Variants in SNTB2 observed in about 807,000 individuals in gnomAD.
SNTB2 encodes syntrophin beta 2.
A neutral mutation model predicts 46.2 loss-of-function variants in SNTB2; 34 were observed. The ratio of observed to expected loss-of-function variants is 0.74; its 90% CI spans 0.56 to 0.98. The LOEUF (loss-of-function observed/expected upper bound fraction) is 0.98, where lower values mean the gene tolerates loss of function less well. SNTB2 is among the 50% of genes least tolerant of loss of function. The probability of loss-of-function intolerance (pLI) is 0.00; values close to 1 mark genes in which losing one functional copy is unlikely to be tolerated. For missense variants in SNTB2, 603 were observed against 731.4 expected, an observed-to-expected ratio of 0.82 and a Z score of 2.02; for synonymous variants, 290 against 312.6, an observed-to-expected ratio of 0.93 and a Z score of 0.76.
At chr16:69,278,992 A>G (rs1368826248) in intron 4 of SNTB2, among the ~76,000 whole-genome samples, 1 of 152,018 alleles carries the variant, frequency 6.6e-6, no homozygotes, top group East Asian at 1.9e-4. Context: ...AACTCATAAC[A>G]TGGATGACAG....
At chr16:69,280,416 C>T (rs1314639084) in intron 4 of SNTB2, among the ~76,000 whole-genome samples, 1 of 151,888 alleles carries the variant, frequency 6.6e-6, no homozygotes, top group Admixed American at 6.5e-5. Context: ...CAGAGGGGCT[C>T]CTCACTTCCC....
intron 1 of SNTB2, among the ~76,000 whole-genome samples, chr16:69,214,172 CCA>C (rs1182829046): frequency 6.6e-6 from 1 of 150,752 alleles, no homozygotes; most frequent in Admixed American, 6.6e-5. Flanking sequence ...GCTCTGTTGC[CCA>C]GGCTGGAGTG....
At chr16:69,300,727 C>G (rs992848409) in intron 6 of SNTB2, 105 bp from the exon 7 acceptor site, 7 of 783,340 alleles carry the variant, frequency 8.9e-6, no homozygotes, top group Non-Finnish European at 1.6e-5. Flanking sequence ...GTTTCCATAG[C>G]TCTGGCACAT....
At chr16:69,268,900 T>C (rs1964911698) in intron 3 of SNTB2, among the ~76,000 whole-genome samples, 1 of 151,418 alleles carries the variant, frequency 6.6e-6, no homozygotes, top group Non-Finnish European at 1.5e-5. Flanking sequence ...TCTAGTGCAG[T>C]GGCTCACGCC....
intron 1 of SNTB2, among the ~76,000 whole-genome samples, chr16:69,215,639 C>CT (rs1196528784): frequency 3.9e-5 from 6 of 152,082 alleles, no homozygotes; most frequent in Non-Finnish European, 7.4e-5. Context: ...GAATTTTCAG[C>CT]TTTTTTCTGG....
chr16:69,253,121 G>A (rs955977443), intron 2 of SNTB2, among the ~76,000 whole-genome samples: 69 of 150,734 alleles, frequency 4.6e-4, no homozygotes, highest in East Asian at 1.4e-3. Flanking sequence ...GGATGGTCTC[G>A]ATCTCCTGAC....
At chr16:69,192,395 GAGT>G (rs1430443546) in intron 1 of SNTB2, among the ~76,000 whole-genome samples, 1 of 152,200 alleles carries the variant, frequency 6.6e-6, no homozygotes. Flanking sequence ...CTTCTGCAGT[GAGT>G]TTATCAGTGG....
In SNTB2 at chr16:69,187,217, G is replaced by T. The variant is rs748420775; in HGVS notation, c.51G>T (p.Ala17=). 1.4e-6 allele frequency: 2 copies of T among 1,440,672 alleles called. No homozygotes were observed. The highest frequency in any genetic ancestry group is 5.6e-5 in the East Asian group (2 of 35,578). 89.2% of individuals were successfully genotyped at this position (1,440,672 alleles called of 1,614,324 possible). A position where few individuals can be genotyped will look rare whatever the true frequency, so the allele number is the denominator to read the frequency against. ...CGGCTGGAGCGGGGCCGGCCATGGCGGTGTGGACGCGGGCCACCAAAGCGG... is the reference window on the plus strand; with the variant it reads ...CGGCTGGAGCGGGGCCGGCCATGGCTGTGTGGACGCGGGCCACCAAAGCGG... The part of the protein sequence containing the change: ...TAAAGAGPAM[A]VWTRATKAGL... Residue 17 remains alanine (A), a synonymous_variant, in exon 1 of 7, where the codon GCG becomes GCT. Transcript: ENST00000336278.
chr16:69,225,775 T>C (rs1964452915), intron 1 of SNTB2, among the ~76,000 whole-genome samples: 1 of 152,176 alleles, frequency 6.6e-6, no homozygotes, highest in South Asian at 2.1e-4. Context: ...TTGTAGCTCT[T>C]TTTGGTTTTG....
intron 1 of SNTB2, among the ~76,000 whole-genome samples, chr16:69,189,901 A>G (rs1240343305): frequency 6.6e-6 from 1 of 152,180 alleles, no homozygotes; most frequent in Admixed American, 6.5e-5. Flanking sequence ...GCATAATAAC[A>G]TGTTTATTGA....
chr16:69,283,974 A>C (rs975397297), intron 4 of SNTB2, 74 bp from the exon 5 acceptor site: 10 of 1,370,386 alleles, frequency 7.3e-6, no homozygotes, highest in Non-Finnish European at 1.0e-5. Context: ...TTCTCTTATC[A>C]ATGAGCACAA....
chr16:69,292,389 ATTATATATATATATATATTATATATATAT>A (rs1965173921), intron 5 of SNTB2, among the ~76,000 whole-genome samples: 4 of 11,336 alleles, frequency 3.5e-4, no homozygotes, highest in South Asian at 6.8e-3. Context: ...TTATATATAT[ATTATATATATATATATATTATATATATAT>A]TATATATATA....
At chr16:69,208,597 C>G (rs967157229) in intron 1 of SNTB2, among the ~76,000 whole-genome samples, 33 of 152,042 alleles carry the variant, frequency 2.2e-4, no homozygotes, top group Non-Finnish European at 8.8e-5. Flanking sequence ...GGTTCAGAGA[C>G]AGATTCTGTA....
At chr16:69,229,272 T>C (rs1476751727) in intron 1 of SNTB2, among the ~76,000 whole-genome samples, 2 of 152,066 alleles carry the variant, frequency 1.3e-5, no homozygotes, top group Non-Finnish European at 2.9e-5. Context: ...CAGGCTCAGA[T>C]GATCCTCCCA....
chr16:69,261,486 G>T, intron 3 of SNTB2, among the ~76,000 whole-genome samples: 1 of 150,756 alleles, frequency 6.6e-6, no homozygotes, highest in Non-Finnish European at 1.5e-5. Flanking sequence ...TTTATTTTTT[G>T]CCACTTCTCA....
chr16:69,277,726 A>T (rs1045487914), intron 4 of SNTB2, among the ~76,000 whole-genome samples: 1 of 152,244 alleles, frequency 6.6e-6, no homozygotes, highest in African/African-American at 2.4e-5. Context: ...TTTAAGCTAG[A>T]CATTAAAGAG....
intron 1 of SNTB2, among the ~76,000 whole-genome samples, chr16:69,215,251 G>C (rs1275673656): frequency 6.6e-6 from 1 of 152,164 alleles, no homozygotes; most frequent in Non-Finnish European, 1.5e-5. Flanking sequence ...CAGGTGTGGT[G>C]ATGCATGCCT....
At chr16:69,189,795 C>G (rs978649370) in intron 1 of SNTB2, among the ~76,000 whole-genome samples, 6 of 152,168 alleles carry the variant, frequency 3.9e-5, no homozygotes, top group Admixed American at 3.9e-4. Flanking sequence ...TAGTTTGAAC[C>G]TAGTATTCAG....
At chr16:69,263,995 C>T (rs992439779) in intron 3 of SNTB2, among the ~76,000 whole-genome samples, 7 of 151,784 alleles carry the variant, frequency 4.6e-5, no homozygotes, top group African/African-American at 1.7e-4. Context: ...GATGGGGTCT[C>T]ACTTTGTTAC....
Sources: gnomAD v4.1 joint callset for allele counts (sites outside exome capture counted in the v4.1 genomes callset) on GRCh38, gnomAD v4.1.1 for gene constraint, MANE v1.5 for transcripts, NCBI Gene and HGNC (gene_info 2026-07-23, HGNC 2026-07-21) for gene names.